RIN2: variants seen among roughly 807,000 people sequenced by gnomAD.
RIN2 encodes the protein RAB5 interacting protein 2.
A neutral mutation model predicts 78.0 loss-of-function variants in RIN2; 36 were observed. The observed-to-expected ratio is 0.46, with a 90% CI of 0.35 to 0.61. RIN2 has a LOEUF of 0.61. Ranked by LOEUF, RIN2 falls within the 20% of genes least tolerant of loss-of-function variation. The pLI, the probability that RIN2 is intolerant of heterozygous loss-of-function variation, is 0.00. For synonymous variants in RIN2, 466 were observed against 466.8 expected, an observed-to-expected ratio of 1.00 and a Z score of 0.02; for missense variants, 1,087 against 1,159.7, an observed-to-expected ratio of 0.94 and a Z score of 0.91.
At chr20:19,936,264 G>T (rs539306150) in intron 4 of RIN2, among the ~76,000 whole-genome samples, 1 of 152,170 alleles carries the variant, frequency 6.6e-6, no homozygotes, top group Non-Finnish European at 1.5e-5. Context: ...GCTCCTTGCA[G>T]CACACCCAGC....
intron 6 of RIN2, among the ~76,000 whole-genome samples, chr20:19,963,914 A>G (rs2041851274): frequency 1.5e-5 from 2 of 132,082 alleles, no homozygotes; most frequent in African/African-American, 5.9e-5. Flanking sequence ...CCCAGGCTAG[A>G]GTGCAGTGGC....
chr20:19,882,974 C>T (rs566704972), intron 2 of RIN2, among the ~76,000 whole-genome samples: 1 of 152,254 alleles, frequency 6.6e-6, no homozygotes, highest in African/African-American at 2.4e-5. Flanking sequence ...CAATAGTAGG[C>T]TATTTGTAGC....
intron 3 of RIN2, among the ~76,000 whole-genome samples, chr20:19,921,547 A>G (rs2039920322): frequency 6.6e-6 from 1 of 152,198 alleles, no homozygotes; most frequent in Admixed American, 6.5e-5. Context: ...AGGAGACTGC[A>G]GTGAACCAAA....
chr20:19,960,411 G>A (rs531250035), intron 5 of RIN2, among the ~76,000 whole-genome samples: 1 of 152,326 alleles, frequency 6.6e-6, no homozygotes, highest in South Asian at 2.1e-4. Flanking sequence ...AACTCCAGCA[G>A]TAAAACAGTC....
chr20:19,859,703 T>C (rs1432324085), intron 2 of RIN2, among the ~76,000 whole-genome samples: 1 of 152,156 alleles, frequency 6.6e-6, no homozygotes, highest in Non-Finnish European at 1.5e-5. Context: ...TCCATTGATA[T>C]ACCTGCTTCC....
intron 9 of RIN2, among the ~76,000 whole-genome samples, chr20:19,989,456 A>G (rs1357094148): frequency 6.6e-6 from 1 of 151,812 alleles, no homozygotes; most frequent in Non-Finnish European, 1.5e-5. Flanking sequence ...TTGTATTTTT[A>G]GTAGAGATGG....
intron 2 of RIN2, among the ~76,000 whole-genome samples, chr20:19,853,502 G>A (rs1222739932): frequency 1.3e-5 from 2 of 152,320 alleles, no homozygotes; most frequent in East Asian, 3.9e-4. Flanking sequence ...CCCACCAACA[G>A]TGTAAAAGTG....
At chr20:19,825,094 G>A (rs2036048521) in intron 2 of RIN2, among the ~76,000 whole-genome samples, 2 of 152,212 alleles carry the variant, frequency 1.3e-5, no homozygotes, top group South Asian at 4.1e-4. Context: ...AGATCCCTGG[G>A]GATGAGACCA....
At chr20:19,918,132 G>A (rs2039759572) in intron 3 of RIN2, among the ~76,000 whole-genome samples, 1 of 152,132 alleles carries the variant, frequency 6.6e-6, no homozygotes, top group Non-Finnish European at 1.5e-5. Flanking sequence ...CCACGCCAGT[G>A]CATTCCGGAA....
At chr20:19,787,503 C>T (rs1223019545) in intron 1 of RIN2, among the ~76,000 whole-genome samples, 8 of 150,478 alleles carry the variant, frequency 5.3e-5, no homozygotes, top group Admixed American at 4.6e-4. Flanking sequence ...AGATTTTATT[C>T]CTGATGGCAA....
chr20:19,802,656 C>T (rs570543516), intron 2 of RIN2, among the ~76,000 whole-genome samples: 12 of 152,168 alleles, frequency 7.9e-5, no homozygotes, highest in African/African-American at 2.7e-4. Flanking sequence ...TCCCTACTTT[C>T]ACCTGGGTCG....
At chr20:19,988,901 TCA>T (rs140660499) in intron 9 of RIN2, among the ~76,000 whole-genome samples, 6,686 of 149,130 alleles carry the variant, frequency 0.045, 429 homozygotes, top group African/African-American at 0.14. Flanking sequence ...TTCTCTCTCT[TCA>T]CACACACACA....
intron 2 of RIN2, among the ~76,000 whole-genome samples, chr20:19,880,526 G>T (rs1310891628): frequency 2.7e-5 from 4 of 149,796 alleles, no homozygotes; most frequent in African/African-American, 9.8e-5. Context: ...CTCCTGAGTG[G>T]CTGGGACCAC....
At chr20:19,796,914 TCA>T (rs1261192162) in intron 1 of RIN2, among the ~76,000 whole-genome samples, 1 of 152,226 alleles carries the variant, frequency 6.6e-6, no homozygotes, top group Non-Finnish European at 1.5e-5. Flanking sequence ...AGGGGAGACT[TCA>T]CACAGAGTCA....
At chr20:19,991,980 C>T (rs375760231) in intron 10 of RIN2, among the ~76,000 whole-genome samples, 188 bp from the exon 11 acceptor site, 7 of 152,282 alleles carry the variant, frequency 4.6e-5, no homozygotes, top group African/African-American at 1.4e-4. Flanking sequence ...ACTGTAAGGG[C>T]TGGTCTCTAA....
At chr20:19,848,911 G>A (rs2036869846) in intron 2 of RIN2, among the ~76,000 whole-genome samples, 2 of 152,292 alleles carry the variant, frequency 1.3e-5, no homozygotes, top group South Asian at 4.1e-4. Flanking sequence ...TAGTAAGGAT[G>A]ACTCTTTATT....
intron 2 of RIN2, among the ~76,000 whole-genome samples, chr20:19,828,752 G>C (rs2036169061): frequency 6.6e-6 from 1 of 152,146 alleles, no homozygotes; most frequent in Non-Finnish European, 1.5e-5. Context: ...TTCTAACCGA[G>C]TGTCCCATTC....
At chr20:19,983,928 G>A (rs1037991647) in intron 9 of RIN2, among the ~76,000 whole-genome samples, 42 of 151,936 alleles carry the variant, frequency 2.8e-4, no homozygotes, top group African/African-American at 9.9e-4. Flanking sequence ...TGTGTGCAAC[G>A]TGCAGGTTTT....
chr20:19,989,067 C>T (rs2042712788), intron 9 of RIN2, among the ~76,000 whole-genome samples: 1 of 152,106 alleles, frequency 6.6e-6, no homozygotes, highest in Non-Finnish European at 1.5e-5. Context: ...TTCCTAAAAA[C>T]AAGGCTATTC....
Sources: allele counts gnomAD v4.1 joint callset (sites outside exome capture counted in the v4.1 genomes callset), GRCh38; gene constraint gnomAD v4.1.1; transcripts MANE v1.5; gene names NCBI Gene and HGNC (gene_info 2026-07-23, HGNC 2026-07-21).